The following LHFPL3 variants were observed in gnomAD, a reference collection of about 807,000 sequenced individuals.
The protein encoded by LHFPL3 is LHFPL tetraspan subfamily member 3, also known as LHFPL tetraspan subfamily member 3 protein.
LHFPL3 carries 5 observed loss-of-function variants against 19.3 expected under a neutral mutation model. That is an observed-to-expected ratio of 0.26 (90% CI 0.14 to 0.54). The LOEUF is 0.54. Among genes scored for constraint, LHFPL3 ranks in the 20% least tolerant of loss-of-function variants. The pLI is 0.94. For synonymous variants in LHFPL3, 133 were observed against 126.2 expected, an observed-to-expected ratio of 1.05 and a Z score of -0.36; for missense variants, 249 against 307.4, an observed-to-expected ratio of 0.81 and a Z score of 1.42.
At chr7:104,606,493 T>C (rs1791105091) in intron 1 of LHFPL3, among the ~76,000 whole-genome samples, 1 of 152,174 alleles carries the variant, frequency 6.6e-6, no homozygotes, top group South Asian at 2.1e-4. Context: ...CTTTGAAACT[T>C]AGGTTTCGGT....
chr7:104,694,548 G>A (rs1792963171), intron 1 of LHFPL3, among the ~76,000 whole-genome samples: 1 of 152,082 alleles, frequency 6.6e-6, no homozygotes, highest in South Asian at 2.1e-4. Context: ...GAATGGAAAT[G>A]GTAATGACAG....
chr7:104,559,909 A>G (rs1218761361), intron 1 of LHFPL3, among the ~76,000 whole-genome samples: 1 of 148,074 alleles, frequency 6.8e-6, no homozygotes, highest in African/African-American at 2.6e-5. Context: ...AATTTTGTCA[A>G]AGGCTTTTTC....
intron 1 of LHFPL3, among the ~76,000 whole-genome samples, chr7:104,332,466 A>G (rs945846030): frequency 3.3e-5 from 5 of 151,934 alleles, no homozygotes; most frequent in South Asian, 4.1e-4. Flanking sequence ...CCTCACCTCA[A>G]GCAATCCGAC....
At chr7:104,633,138 A>G (rs974280359) in intron 1 of LHFPL3, among the ~76,000 whole-genome samples, 21 of 152,302 alleles carry the variant, frequency 1.4e-4, no homozygotes, top group Admixed American at 1.4e-3. Context: ...GGCTTCTGAA[A>G]TCTTTCCAAC....
rs149467124 is a variant in LHFPL3, at chr7:104,490,649, C to T, written c.445+161425C>T. On this transcript the variant is annotated intron_variant, in intron 1 of 2. Transcript: ENST00000424859. ...CACAAAAGGGCCCACAGATCTAAAG[C>T]GACGGATATCAACTAAACCCCCATA... Among the ~76,000 whole-genome samples the T allele has an allele frequency of 6.3e-4, 96 of 152,100 alleles. No individual in the cohort carries two copies. The East Asian group carries it at 0.016, about 26-fold the overall frequency.
At chr7:104,389,346 C>T (rs1791013701) in intron 1 of LHFPL3, among the ~76,000 whole-genome samples, 1 of 152,034 alleles carries the variant, frequency 6.6e-6, no homozygotes, top group African/African-American at 2.4e-5. Flanking sequence ...CCGAAAACTA[C>T]AAGACATTGT....
intron 1 of LHFPL3, among the ~76,000 whole-genome samples, chr7:104,363,706 C>T (rs1328004105): frequency 6.6e-6 from 1 of 152,192 alleles, no homozygotes; most frequent in East Asian, 1.9e-4. Flanking sequence ...TTAACCTAGT[C>T]AGATCCTTGC....
intron 1 of LHFPL3, among the ~76,000 whole-genome samples, chr7:104,401,620 A>G (rs766678929): frequency 3.3e-5 from 5 of 152,232 alleles, no homozygotes; most frequent in Non-Finnish European, 5.9e-5. Flanking sequence ...AACCAGTGCC[A>G]GATACTTTTC....
At chr7:104,549,271 C>CAT (rs946194664) in intron 1 of LHFPL3, among the ~76,000 whole-genome samples, 56 of 151,474 alleles carry the variant, frequency 3.7e-4, no homozygotes, top group African/African-American at 1.2e-3. Flanking sequence ...TGCACACATA[C>CAT]ATATATATAT....
At chr7:104,884,358 C>T (rs1792109867) in intron 2 of LHFPL3, among the ~76,000 whole-genome samples, 2 of 152,098 alleles carry the variant, frequency 1.3e-5, no homozygotes, top group South Asian at 2.1e-4. Flanking sequence ...GCCCTCTGAC[C>T]GCTCCCCTGT....
chr7:104,472,176 C>CAAA lies in LHFPL3; in HGVS notation c.445+142965_445+142967dup, dbSNP rs36086761. Among the ~76,000 whole-genome samples the CAAA allele has an allele frequency of 1.9e-3, 253 of 134,558 alleles. 1 individual carries two copies. The highest frequency in any genetic ancestry group is 4.8e-3 in the African/African-American group (176 of 36,470). 88.3% of individuals were successfully genotyped at this position (134,558 alleles called of 152,430 possible). On this transcript the variant is annotated intron_variant, in intron 1 of 2. Coordinates refer to ENST00000424859, the MANE Select transcript of LHFPL3 (RefSeq NM_199000.3). ...TGGATGACAGAGTGAGACCCTATCT[C>CAAA]AAAAAAAAAAAAAAATCACTACTCA...
In LHFPL3 at chr7:104,496,076, G is replaced by A. The variant is rs181596458; in HGVS notation, c.445+166852G>A. 1.4e-3 allele frequency among the ~76,000 whole-genome samples: 215 copies of A among 152,038 alleles called. 1 individual carries two copies. The highest frequency in any genetic ancestry group is 1.0e-2 in the South Asian group (48 of 4,814). On this transcript the variant is annotated intron_variant, in intron 1 of 2. Transcript: ENST00000424859. ...GTTGGTGTGCTGCACCCATTAACTC[G>A]TCATTTAGCATTAGTTATATCTCCT...
intron 1 of LHFPL3, among the ~76,000 whole-genome samples, chr7:104,429,168 A>C (rs1013768126): frequency 1.4e-4 from 21 of 152,066 alleles, no homozygotes; most frequent in African/African-American, 4.8e-4. Flanking sequence ...AATAAACTAA[A>C]GGAAAAAAAA....
intron 2 of LHFPL3, among the ~76,000 whole-genome samples, chr7:104,884,780 G>A (rs1364259672): frequency 6.6e-6 from 1 of 152,162 alleles, no homozygotes; most frequent in Non-Finnish European, 1.5e-5. Context: ...CCTTACCTCT[G>A]ACCCAAGCTT....
chr7:104,769,342 C>T (rs1303693045), intron 2 of LHFPL3, among the ~76,000 whole-genome samples: 4 of 152,212 alleles, frequency 2.6e-5, no homozygotes, highest in Admixed American at 6.5e-5. Flanking sequence ...TCTCCTTAAA[C>T]AGCCTAAAGC....
chr7:104,900,586 C>T (rs960491517), intron 2 of LHFPL3, among the ~76,000 whole-genome samples: 4 of 152,148 alleles, frequency 2.6e-5, no homozygotes, highest in Non-Finnish European at 5.9e-5. Context: ...CAAAGGGAGA[C>T]AGGAGGAGTC....
At chr7:104,331,316 G>A (rs1311319349) in intron 1 of LHFPL3, among the ~76,000 whole-genome samples, 1 of 152,158 alleles carries the variant, frequency 6.6e-6, no homozygotes, top group Non-Finnish European at 1.5e-5. Context: ...GATAGTTTTT[G>A]TACTAAAGAT....
intron 2 of LHFPL3, among the ~76,000 whole-genome samples, chr7:104,873,024 A>C (rs544845404): frequency 1.1e-4 from 16 of 152,360 alleles, no homozygotes; most frequent in South Asian, 2.1e-4. Context: ...TGTTGTGCTA[A>C]GATGTTACAA....
intron 1 of LHFPL3, among the ~76,000 whole-genome samples, chr7:104,720,491 C>T (rs1457494438): frequency 6.6e-6 from 1 of 152,184 alleles, no homozygotes; most frequent in African/African-American, 2.4e-5. Flanking sequence ...GCAAGGACTT[C>T]ATGACTAAAA....
Sources: allele counts gnomAD v4.1 joint callset (sites outside exome capture counted in the v4.1 genomes callset), GRCh38; gene constraint gnomAD v4.1.1; transcripts MANE v1.5; gene names NCBI Gene and HGNC (gene_info 2026-07-23, HGNC 2026-07-21).